SORCS3: variants seen among roughly 807,000 people sequenced by gnomAD.
The protein encoded by SORCS3 is sortilin related VPS10 domain containing receptor 3.
SORCS3 carries 57 observed loss-of-function variants against 146.3 expected under a neutral mutation model. That is an observed-to-expected ratio of 0.39 (90% CI 0.31 to 0.49). SORCS3 has a LOEUF of 0.49. Ranked by LOEUF, SORCS3 falls within the 20% of genes least tolerant of loss-of-function variation. The pLI is 0.92. For synonymous variants in SORCS3, 653 were observed against 618.5 expected (o/e 1.06, Z -0.83); for missense variants, 1,341 against 1,575.5 (o/e 0.85, Z 2.52).
chr10:104,842,421 A>G (rs76723282), intron 1 of SORCS3, among the ~76,000 whole-genome samples: 15,012 of 152,240 alleles, frequency 0.099, 921 homozygotes, highest in South Asian at 0.24. Flanking sequence ...CTGGATCAAA[A>G]GCAAGCCTAT....
At chr10:105,169,182 T>C (rs912771995) in intron 13 of SORCS3, among the ~76,000 whole-genome samples, 1 of 152,146 alleles carries the variant, frequency 6.6e-6, no homozygotes, top group African/African-American at 2.4e-5. Flanking sequence ...TAGACATGTA[T>C]ACCTGGCAGC....
At chr10:104,977,949 C>T (rs1262018842) in intron 4 of SORCS3, among the ~76,000 whole-genome samples, 1 of 151,918 alleles carries the variant, frequency 6.6e-6, no homozygotes, top group South Asian at 2.1e-4. Flanking sequence ...CCAGGATGGT[C>T]TCGATCTCTT....
At chr10:104,945,954 CTGGCTTCAGGAAGACCTGAGT>C (rs1290649905) in intron 3 of SORCS3, among the ~76,000 whole-genome samples, 3 of 152,056 alleles carry the variant, frequency 2.0e-5, no homozygotes, top group African/African-American at 7.2e-5. Context: ...AGCTGGCACC[CTGGCTTCAGGAAGACCTGAGT>C]TCTAGTCCTG....
chr10:104,935,712 C>T (rs888303378), intron 3 of SORCS3, among the ~76,000 whole-genome samples: 2 of 141,556 alleles, frequency 1.4e-5, no homozygotes, highest in African/African-American at 5.1e-5. Flanking sequence ...AGAGGCAACA[C>T]ATCAGTAGAG....
chr10:104,892,382 T>C (rs186062837), intron 2 of SORCS3, among the ~76,000 whole-genome samples: 1 of 152,318 alleles, frequency 6.6e-6, no homozygotes, highest in Non-Finnish European at 1.5e-5. Context: ...GTTTCACATA[T>C]GTTACTTGTC....
chr10:104,867,588 C>T (rs1326828806), intron 2 of SORCS3, among the ~76,000 whole-genome samples: 2 of 152,026 alleles, frequency 1.3e-5, no homozygotes, highest in Non-Finnish European at 2.9e-5. Context: ...AGATTACAGG[C>T]GTGAGCCACT....
At position 104,977,402 on chromosome 10, in the gene SORCS3, A is replaced by G. The variant is rs750367392; in HGVS notation, c.863A>G (p.Tyr288Cys). The G allele has an allele frequency of 6.8e-6, 11 of 1,613,752 alleles. No homozygotes were observed. Among genetic ancestry groups the G allele is most frequent in the Admixed American group, 1.7e-5 (1 of 59,990 alleles). ...ATCAGCTCAGACGAAGGGGCGACCT[A>G]TCAGAAGTATCGGCTCACCTTCTAT... Reference protein sequence around the residue: ...ILISSDEGATYQKYRLTFYIQ... With the variant: ...ILISSDEGATCQKYRLTFYIQ... Residue 288 changes from tyrosine (Y) to cysteine (C), a missense_variant, in exon 4 of 27, where the codon TAT becomes TGT. Physicochemically the swap from Tyr to Cys is radical, Grantham distance 194. Transcript: ENST00000369701.
At chr10:104,648,394 T>C (rs890398248) in intron 1 of SORCS3, among the ~76,000 whole-genome samples, 3 of 152,202 alleles carry the variant, frequency 2.0e-5, no homozygotes, top group African/African-American at 7.2e-5. Context: ...ATTTTCCTTC[T>C]AAGAGGATTT....
intron 1 of SORCS3, among the ~76,000 whole-genome samples, chr10:104,793,038 A>C (rs1185097903): frequency 1.3e-5 from 2 of 152,188 alleles, no homozygotes; most frequent in African/African-American, 4.8e-5. Flanking sequence ...TTTCATCATC[A>C]CAACAAACCT....
chr10:105,067,241 A>G (rs2055528523), intron 5 of SORCS3, among the ~76,000 whole-genome samples: 1 of 152,220 alleles, frequency 6.6e-6, no homozygotes, highest in Non-Finnish European at 1.5e-5. Context: ...AAAAGAATAA[A>G]CAAGGCCAGG....
At chr10:104,964,333 T>C (rs944293348) in intron 3 of SORCS3, among the ~76,000 whole-genome samples, 8 of 152,170 alleles carry the variant, frequency 5.3e-5, no homozygotes, top group Non-Finnish European at 1.2e-4. Context: ...AATGCTACTT[T>C]CCCAATGAGG....
chr10:105,234,157 ATTGG>A lies in SORCS3; in HGVS notation c.2868+10910_2868+10913del, dbSNP rs1392520614. Among the ~76,000 whole-genome samples the A allele has an allele frequency of 3.3e-5, 5 of 152,062 alleles. No homozygotes were observed. In the East Asian group the frequency reaches 9.7e-4, roughly 29 times the overall value. On this transcript the variant is annotated intron_variant, in intron 20 of 26. Coordinates refer to ENST00000369701, the MANE Select transcript of SORCS3 (RefSeq NM_014978.3). ...AATTTTGCAGGGTACGGAATTCTAG[ATTGG>A]TGGTGTTTTTTTCCCTCAACCCTTT...
chr10:105,228,516 G>A (rs1364014841), intron 20 of SORCS3, among the ~76,000 whole-genome samples: 1 of 150,978 alleles, frequency 6.6e-6, no homozygotes, highest in African/African-American at 2.4e-5. Context: ...ATTTTCTTAA[G>A]AATTTCTAAT....
chr10:104,971,674 A>T (rs1205958790), intron 3 of SORCS3, among the ~76,000 whole-genome samples: 1 of 152,210 alleles, frequency 6.6e-6, no homozygotes, highest in African/African-American at 2.4e-5. Flanking sequence ...ATGATTTTCA[A>T]AAGGAAAAGG....
At chr10:104,767,328 A>G (rs2017192391) in intron 1 of SORCS3, among the ~76,000 whole-genome samples, 1 of 152,176 alleles carries the variant, frequency 6.6e-6, no homozygotes, top group Non-Finnish European at 1.5e-5. Flanking sequence ...GAGGGTGGCA[A>G]GTCCTGCTTT....
chr10:105,225,373 C>T (rs2056728301), intron 20 of SORCS3, among the ~76,000 whole-genome samples: 1 of 151,894 alleles, frequency 6.6e-6, no homozygotes, highest in Non-Finnish European at 1.5e-5. Context: ...TGCTCCTTTG[C>T]CAAAAATAAG....
chr10:104,692,317 G>A (rs532447095), intron 1 of SORCS3, among the ~76,000 whole-genome samples: 1 of 152,188 alleles, frequency 6.6e-6, no homozygotes, highest in Non-Finnish European at 1.5e-5. Flanking sequence ...TTCTCGTCAT[G>A]TGTCTGTGCC....
intron 1 of SORCS3, among the ~76,000 whole-genome samples, chr10:104,755,230 A>T (rs535102344): frequency 2.6e-5 from 4 of 152,352 alleles, no homozygotes; most frequent in Admixed American, 6.5e-5. Context: ...CCTTTATTCA[A>T]TGATTCATAC....
At chr10:104,762,514 TGCTTAACTCTGACTTCACATTAGAAAC>T (rs1388867319) in intron 1 of SORCS3, among the ~76,000 whole-genome samples, 1 of 152,186 alleles carries the variant, frequency 6.6e-6, no homozygotes, top group African/African-American at 2.4e-5. Flanking sequence ...GCCTCAGTGT[TGCTTAACTCTGACTTCACATTAGAAAC>T]GCTTGGTGAT....
Sources: gnomAD v4.1 joint callset for allele counts (sites outside exome capture counted in the v4.1 genomes callset) on GRCh38, gnomAD v4.1.1 for gene constraint, MANE v1.5 for transcripts, NCBI Gene and HGNC (gene_info 2026-07-23, HGNC 2026-07-21) for gene names.